CEP350: variants seen among roughly 807,000 people sequenced by gnomAD.
The protein encoded by CEP350 is centrosomal protein 350, also known as centrosome-associated protein 350.
CEP350 carries 126 observed loss-of-function variants against 331.8 expected under a neutral mutation model. That is an observed-to-expected ratio of 0.38 (90% CI 0.33 to 0.44). CEP350 has a LOEUF of 0.44. CEP350 is among the 20% of genes least tolerant of loss of function. The pLI, the probability that CEP350 is intolerant of heterozygous loss-of-function variation, is 1.00. For missense variants in CEP350, 3,406 were observed against 3,634.6 expected, an observed-to-expected ratio of 0.94 and a Z score of 1.62; for synonymous variants, 1,200 against 1,259.5, an observed-to-expected ratio of 0.95 and a Z score of 1.00.
chr1:180,041,074 G>GTTA, intron 17 of CEP350, 64 bp from the exon 18 acceptor site: 1 of 1,185,066 alleles, frequency 8.4e-7, no homozygotes, highest in South Asian at 1.3e-5. Flanking sequence ...CATTGTGTGT[G>GTTA]TTATAGTCAC....
At chr1:180,011,823 C>T in intron 8 of CEP350, 106 bp from the exon 9 acceptor site, 1 of 725,420 alleles carries the variant, frequency 1.4e-6, no homozygotes, top group Non-Finnish European at 2.2e-6. Flanking sequence ...ATCTTTTGAC[C>T]TTGACAGATG....
At chr1:180,105,945 G>T (rs1661117311) in intron 37 of CEP350, among the ~76,000 whole-genome samples, 1 of 152,226 alleles carries the variant, frequency 6.6e-6, no homozygotes, top group South Asian at 2.1e-4. Context: ...AGACATAAAG[G>T]CCTCTGTTAG....
intron 9 of CEP350, among the ~76,000 whole-genome samples, 173 bp downstream of exon 9, chr1:180,012,248 A>G (rs937376807): frequency 6.6e-6 from 1 of 152,214 alleles, no homozygotes; most frequent in African/African-American, 2.4e-5. Context: ...ATATCTGCAT[A>G]TAGGTGTTAT....
chr1:180,039,263 AAAGG>A (rs1214981940), intron 17 of CEP350, among the ~76,000 whole-genome samples: 2 of 66,554 alleles, frequency 3.0e-5, no homozygotes, highest in African/African-American at 9.0e-5. Context: ...AAAAAGGAAG[AAAGG>A]AAGGAAGGGA....
At chr1:180,066,452 A>G (rs909190828) in intron 27 of CEP350, among the ~76,000 whole-genome samples, 6 of 152,192 alleles carry the variant, frequency 3.9e-5, no homozygotes, top group Admixed American at 2.6e-4. Flanking sequence ...CTCTATGTTT[A>G]TATGTTAAAT....
intron 32 of CEP350, 46 bp from the exon 33 acceptor site, chr1:180,090,668 A>G (rs1298146325): frequency 2.0e-6 from 3 of 1,488,628 alleles, no homozygotes; most frequent in Non-Finnish European, 2.7e-6. Context: ...GTTACCAGTT[A>G]TTATAGTAAT....
chr1:180,006,885 G>A (rs2148772361), intron 8 of CEP350, among the ~76,000 whole-genome samples: 1 of 152,274 alleles, frequency 6.6e-6, no homozygotes, highest in South Asian at 2.1e-4. Flanking sequence ...GTGTTAGTTT[G>A]CTGAGAGAAT....
At chr1:180,080,032 T>C (rs1659464717) in intron 29 of CEP350, among the ~76,000 whole-genome samples, 1 of 152,162 alleles carries the variant, frequency 6.6e-6, no homozygotes, top group Admixed American at 6.5e-5. Flanking sequence ...TAGGAAGTGA[T>C]AGTAGCTAGG....
In CEP350 at chr1:179,954,934, A is replaced by C. The variant is rs1211764143; in HGVS notation, c.-222A>C. 1 of 875,172 alleles carries C rather than the reference A, an allele frequency of 1.1e-6. No individual in the cohort carries two copies. The highest frequency in any genetic ancestry group is 1.6e-6 in the Non-Finnish European group (1 of 633,904). 54.2% of individuals were successfully genotyped at this position (875,172 alleles called of 1,614,324 possible). A position where few individuals can be genotyped will look rare whatever the true frequency, so the allele number is the denominator to read the frequency against. On this transcript the variant is annotated 5_prime_UTR_variant, in exon 1 of 38. Transcript: ENST00000367607. ...GCAGCTCGGGGGGTGGCTTGCCCTG[A>C]GGGAGGGGAGGCAGCCTTTCCGCCT...
chr1:180,043,177 G>A lies in CEP350; in HGVS notation c.4484G>A (p.Arg1495Lys). The A allele has an allele frequency of 6.2e-7, 1 of 1,612,704 alleles. No homozygotes were observed. ...LPDFVKQLRT[R>K]TETDRKSPSV... ...GACTTTGTGAAACAGCTGAGGACCA[G>A]AACTGAAACAGATAGGTTAATATTC... is the stretch of plus-strand genomic sequence containing the variant. The change falls in exon 20 of 38, where the codon AGA becomes AAA. Residue 1495 changes from arginine (R) to lysine (K), a missense_variant. Around this residue, in one of 5 missense-constraint regions of CEP350, gnomAD observed 1,857 missense variants for 1,909.2 expected, o/e 0.97. Transcript: ENST00000367607.
chr1:179,992,322 G>T, intron 5 of CEP350, 101 bp downstream of exon 5: 1 of 950,554 alleles, frequency 1.1e-6, no homozygotes, highest in Non-Finnish European at 1.4e-6. Context: ...CACTCTGGTT[G>T]TGAAATAGTA....
In CEP350 at chr1:180,037,005, G is replaced by A. The variant is rs772909339; in HGVS notation, c.4026G>A (p.Ser1342=). ...GTTATCTGAACGCCATTGAGGAGTC[G>A]GTGCGCCAACTGTCAGATGTAGAAA... is the stretch of plus-strand genomic sequence containing the variant. ...ELSYLNAIEE[S]VRQLSDVERV... The change falls in exon 17 of 38, where the codon TCG becomes TCA. Residue 1342 remains serine (S), a synonymous_variant. Transcript: ENST00000367607. 9 of 1,601,090 alleles carry A rather than the reference G, an allele frequency of 5.6e-6. No homozygotes were observed. The highest frequency in any genetic ancestry group is 1.1e-5 in the South Asian group (1 of 88,310).
chr1:179,969,038 G>A (rs1651234033), intron 1 of CEP350: 1 of 745,064 alleles, frequency 1.3e-6, no homozygotes, highest in South Asian at 1.3e-5. Flanking sequence ...GCCTCAAACT[G>A]AAGCATCTTA....
In CEP350 at chr1:180,096,077, T is replaced by A; in HGVS notation, c.8959T>A (p.Phe2987Ile). 1 of 1,554,006 alleles carries A rather than the reference T, an allele frequency of 6.4e-7. No individual in the cohort carries two copies. The highest frequency in any genetic ancestry group is 1.4e-5 in the African/African-American group (1 of 73,380). The change falls in exon 36 of 38, where the codon TTT becomes ATT. Residue 2987 changes from phenylalanine to isoleucine, a missense_variant. Coordinates refer to ENST00000367607, the MANE Select transcript of CEP350 (RefSeq NM_014810.5). ...AACAAAAGAGATTTTTGAGGAAATA[T>A]TTGCTGAGGATCCCAACTTAAATCA... Reference protein sequence around the residue: ...DLTKEIFEEIFAEDPNLNQPV... With the variant: ...DLTKEIFEEIIAEDPNLNQPV...
chr1:180,094,689 A>G (rs956435887), intron 34 of CEP350, 73 bp downstream of exon 34: 3 of 1,453,374 alleles, frequency 2.1e-6, no homozygotes, highest in Middle Eastern at 1.8e-4. Flanking sequence ...CCTTGCCTAT[A>G]TAGTACATTT....
rs567914439 is a variant in CEP350, at chr1:180,020,895, C to T, written c.3121C>T (p.Leu1041Phe). The T allele has an allele frequency of 6.2e-7, 1 of 1,613,238 alleles. No individual in the cohort carries two copies. The highest frequency in any genetic ancestry group is 1.1e-5 in the South Asian group (1 of 91,074). Residue 1041 changes from leucine to phenylalanine, a missense_variant, in exon 12 of 38, where the codon CTT (leucine) becomes TTT (phenylalanine). By Grantham distance (22) the Leu-to-Phe change is conservative (BLOSUM62 0). Coordinates refer to ENST00000367607, the MANE Select transcript of CEP350 (RefSeq NM_014810.5). Reference sequence around the variant, plus strand: ...GAAAGAAGCTGAAAAATTCTTGCCACTTTTTGGGCACATAGGTGGTACACA... The same window carrying T: ...GAAAGAAGCTGAAAAATTCTTGCCATTTTTTGGGCACATAGGTGGTACACA... ...FQKEAEKFLP[L>F]FGHIGGTQSK...
intron 25 of CEP350, among the ~76,000 whole-genome samples, chr1:180,061,623 T>G (rs1658236304): frequency 6.6e-6 from 1 of 152,268 alleles, no homozygotes; most frequent in South Asian, 2.1e-4. Flanking sequence ...TGTGGAGAGA[T>G]ATTGGTACAA....
rs774555161 is a variant in CEP350 at position 180,065,259 on chromosome 1, C to T, written c.5554C>T (p.Arg1852Cys). Reference sequence around the variant, plus strand: ...GCAGAAACTGAAGAAAATGAGAAGCCGCATGGATGAAAAGTATTTGTTTTT... The same window carrying T: ...GCAGAAACTGAAGAAAATGAGAAGCTGCATGGATGAAAAGTATTTGTTTTT... ...IMQKLKKMRS[R>C]MDEKFLTKRE... Residue 1852 changes from arginine to cysteine, a missense_variant, in exon 27 of 38, where the codon CGC (arginine) becomes TGC (cysteine). Around this residue, in one of 5 missense-constraint regions of CEP350, gnomAD observed 1,415 missense variants for 1,512.3 expected, o/e 0.94. Coordinates refer to ENST00000367607, the MANE Select transcript of CEP350 (RefSeq NM_014810.5). The T allele has an allele frequency of 1.1e-5, 18 of 1,607,560 alleles. No homozygotes were observed. Among genetic ancestry groups the T allele is most frequent in the Middle Eastern group, 1.7e-4 (1 of 6,034 alleles).
intron 27 of CEP350, among the ~76,000 whole-genome samples, chr1:180,067,817 A>G (rs1658634778): frequency 6.6e-6 from 1 of 152,238 alleles, no homozygotes; most frequent in Non-Finnish European, 1.5e-5. Context: ...TAGCTTTTAA[A>G]TACCATTTAT....
Sources: allele counts gnomAD v4.1 joint callset (sites outside exome capture counted in the v4.1 genomes callset), GRCh38; gene constraint gnomAD v4.1.1; regional missense constraint gnomAD v4.1.1; transcripts MANE v1.5; gene names NCBI Gene and HGNC (gene_info 2026-07-23, HGNC 2026-07-21).